The following TBC1D19 variants were observed in gnomAD, a reference collection of about 807,000 sequenced individuals.
TBC1D19 encodes TBC1 domain family, member 19.
Under a neutral mutation model 89.0 loss-of-function variants are expected in TBC1D19, and 60 were observed. The observed-to-expected ratio is 0.67, with a 90% CI of 0.55 to 0.84. The LOEUF (loss-of-function observed/expected upper bound fraction) is 0.84. Ranked by LOEUF, TBC1D19 falls within the 40% of genes least tolerant of loss-of-function variation. The pLI is 0.00. For synonymous variants in TBC1D19, 189 were observed against 199.7 expected (o/e 0.95, Z 0.45); for missense variants, 500 against 610.8 (o/e 0.82, Z 1.91).
the TBC1D19 span, among the ~76,000 whole-genome samples, chr4:26,823,912 A>T: frequency 2.0e-5 from 3 of 151,798 alleles, no homozygotes; most frequent in East Asian, 5.8e-4. Flanking sequence ...TTTATACAGA[A>T]CCCCACTGAC....
the TBC1D19 span, among the ~76,000 whole-genome samples, chr4:26,791,231 T>C: frequency 6.6e-6 from 1 of 152,100 alleles, no homozygotes; most frequent in Non-Finnish European, 1.5e-5. Flanking sequence ...AGAGCCACCA[T>C]GGTGGAGGAG....
At position 26,637,278 on chromosome 4, in the gene TBC1D19, C is replaced by G; in HGVS notation, c.362C>G (p.Ala121Gly). The G allele has an allele frequency of 6.2e-7, 1 of 1,607,646 alleles. No individual in the cohort carries two copies. Among genetic ancestry groups the G allele is most frequent in the Non-Finnish European group, 8.5e-7 (1 of 1,176,900 alleles). The change falls in exon 5 of 21, where the codon GCA becomes GGA. Residue 121 changes from alanine to glycine, a missense_variant. Physicochemically the swap from Ala to Gly is moderately conservative, Grantham distance 60. Transcript: ENST00000264866. ...TGCACTGAACTGAGTATCCCACTGG[C>G]ACGAAAGGTACTTTTAAACATTTTT... ...SMCTELSIPLARKRPVGEQKE... is the reference protein window; with the variant it reads ...SMCTELSIPLGRKRPVGEQKE...
the TBC1D19 span, among the ~76,000 whole-genome samples, chr4:26,800,582 C>T: frequency 6.6e-6 from 1 of 152,342 alleles, no homozygotes; most frequent in South Asian, 2.1e-4. Context: ...AATCGCCACA[C>T]TGACTTCCGC....
chr4:26,652,197 G>A (rs1225253350), intron 7 of TBC1D19, among the ~76,000 whole-genome samples: 1 of 152,066 alleles, frequency 6.6e-6, no homozygotes, highest in Non-Finnish European at 1.5e-5. Context: ...GTCTCTGCCA[G>A]GCTTTGGTAT....
At chr4:26,847,988 G>A in the TBC1D19 span, among the ~76,000 whole-genome samples, 283 of 152,288 alleles carry the variant, frequency 1.9e-3, 12 homozygotes, top group East Asian at 0.049. Context: ...GCATCCAAGT[G>A]GAACTATCAG....
At chr4:26,667,109 A>G (rs1312910364) in intron 9 of TBC1D19, among the ~76,000 whole-genome samples, 1 of 152,008 alleles carries the variant, frequency 6.6e-6, no homozygotes, top group African/African-American at 2.4e-5. Context: ...AATTATTACT[A>G]TTATTATTAC....
intron 13 of TBC1D19, among the ~76,000 whole-genome samples, chr4:26,711,635 T>C (rs1260979150): frequency 1.3e-5 from 2 of 152,074 alleles, no homozygotes; most frequent in African/African-American, 4.8e-5. Context: ...CAGTTTCTTA[T>C]AACTCTTCTA....
At chr4:26,729,983 A>G (rs1440019046) in intron 15 of TBC1D19, among the ~76,000 whole-genome samples, 1 of 152,312 alleles carries the variant, frequency 6.6e-6, no homozygotes, top group Admixed American at 6.5e-5. Context: ...TCATGGTCTC[A>G]TTAATATTTT....
chr4:26,761,869 G>A, the TBC1D19 span, among the ~76,000 whole-genome samples: 4 of 152,156 alleles, frequency 2.6e-5, no homozygotes, highest in Non-Finnish European at 5.9e-5. Context: ...GCTCACGCCT[G>A]TAATCTCAGC....
chr4:26,658,390 T>C (rs1425235663), intron 7 of TBC1D19, among the ~76,000 whole-genome samples: 4 of 152,186 alleles, frequency 2.6e-5, no homozygotes, highest in Admixed American at 2.6e-4. Context: ...AAAGATCAGA[T>C]GGTTGTAGAT....
chr4:26,703,097 C>T (rs1715460197), intron 13 of TBC1D19, among the ~76,000 whole-genome samples: 1 of 152,070 alleles, frequency 6.6e-6, no homozygotes, highest in African/African-American at 2.4e-5. Flanking sequence ...ATCCTTTCAT[C>T]TGTCTAAATA....
At position 26,598,862 on chromosome 4, in the gene TBC1D19, A is replaced by G. The variant is rs115942404; in HGVS notation, c.100-14307A>G. On this transcript the variant is annotated intron_variant, in intron 1 of 20. Transcript: ENST00000264866. ...CATCAGGAGGTGAATCCTTGAAGTA[A>G]TAGAAAGTTGGGCAAGGATAGAAAG... Among the ~76,000 whole-genome samples the G allele has an allele frequency of 5.7e-3, 875 of 152,272 alleles. 3 individuals are homozygous for G. Among genetic ancestry groups the G allele is most frequent in the Non-Finnish European group, 0.01 (705 of 68,012 alleles).
At chr4:26,713,816 A>G (rs1283229702) in intron 13 of TBC1D19, among the ~76,000 whole-genome samples, 2 of 152,140 alleles carry the variant, frequency 1.3e-5, no homozygotes, top group Admixed American at 6.6e-5. Flanking sequence ...ATAAATATAC[A>G]GCCAAATAGC....
the TBC1D19 span, among the ~76,000 whole-genome samples, chr4:26,805,252 G>A: frequency 6.6e-6 from 1 of 152,300 alleles, no homozygotes; most frequent in East Asian, 1.9e-4. Context: ...TTGAAACTAC[G>A]GATTCCTGGA....
intron 1 of TBC1D19, among the ~76,000 whole-genome samples, chr4:26,599,950 C>CAAAAAAA (rs36092049): frequency 5.5e-5 from 4 of 72,782 alleles, no homozygotes; most frequent in Non-Finnish European, 4.7e-5. Context: ...TCTGTCTCTC[C>CAAAAAAA]AAAAAAAAAA....
Position 26,717,960 on chromosome 4 carries a change from T to C in TBC1D19, c.982T>C (p.Ser328Pro), listed in dbSNP as rs1387251128. 1.9e-6 allele frequency: 3 copies of C among 1,612,406 alleles called. No homozygotes were observed. Among genetic ancestry groups the C allele is most frequent in the Non-Finnish European group, 2.5e-6 (3 of 1,179,104 alleles). ...QVLLCFSRDT[S>P]VLSHFAFNSA... is the part of the protein sequence containing the mutation. ...ATTACTTTGTTTTTCCCGGGATACA[T>C]CTGTGTTGAGTCACTTTGCATTCAA... Residue 328 changes from serine (S) to proline (P), a missense_variant, in exon 14 of 21, where the codon TCT (serine) becomes CCT (proline). This residue lies in a region of TBC1D19 where 220 missense variants were observed against 319.1 expected (regional missense o/e 0.69). Coordinates refer to ENST00000264866, the MANE Select transcript of TBC1D19 (RefSeq NM_018317.4).
intron 13 of TBC1D19, among the ~76,000 whole-genome samples, chr4:26,697,399 C>A (rs1450996100): frequency 6.6e-6 from 1 of 152,062 alleles, no homozygotes; most frequent in Admixed American, 6.6e-5. Flanking sequence ...AAGTCCAGGA[C>A]CAGGGGGATT....
At chr4:26,673,446 T>TATATATATATATATATATATACACAC (rs373807642) in intron 10 of TBC1D19, among the ~76,000 whole-genome samples, 12 of 90,866 alleles carry the variant, frequency 1.3e-4, no homozygotes, top group African/African-American at 4.3e-4. Context: ...TATATATATA[T>TATATATATATATATATATATACACAC]ACACACACAC....
chr4:26,840,769 C>T, the TBC1D19 span, among the ~76,000 whole-genome samples: 1 of 152,178 alleles, frequency 6.6e-6, no homozygotes, highest in East Asian at 1.9e-4. Flanking sequence ...CTTACGTTAT[C>T]TCTGAATTTA....
Sources: allele counts gnomAD v4.1 joint callset (sites outside exome capture counted in the v4.1 genomes callset), GRCh38; gene constraint gnomAD v4.1.1; regional missense constraint gnomAD v4.1.1; transcripts MANE v1.5; gene names NCBI Gene and HGNC (gene_info 2026-07-23, HGNC 2026-07-21).